The following ATF7 variants were observed in gnomAD, a reference collection of about 807,000 sequenced individuals.
ATF7 encodes cyclic AMP-dependent transcription factor ATF-7.
A neutral mutation model predicts 50.4 loss-of-function variants in ATF7; 10 were observed. The ratio of observed to expected loss-of-function variants is 0.20; its 90% CI spans 0.12 to 0.34. The LOEUF (loss-of-function observed/expected upper bound fraction) is 0.34, where lower values mean the gene tolerates loss of function less well. ATF7 is among the 10% of genes least tolerant of loss of function. The pLI, the probability that ATF7 is intolerant of heterozygous loss-of-function variation, is 1.00. For synonymous variants in ATF7, 201 were observed against 226.4 expected, an observed-to-expected ratio of 0.89 and a Z score of 1.01; for missense variants, 465 against 613.9, an observed-to-expected ratio of 0.76 and a Z score of 2.56.
intron 2 of ATF7, among the ~76,000 whole-genome samples, chr12:53,592,138 C>T (rs1942970866): frequency 6.6e-6 from 1 of 152,210 alleles, no homozygotes; most frequent in African/African-American, 2.4e-5. Context: ...TCACACAGGG[C>T]ACATGGTGTG....
chr12:53,530,184 A>C (rs867397553), intron 9 of ATF7, among the ~76,000 whole-genome samples: 21 of 152,222 alleles, frequency 1.4e-4, no homozygotes, highest in African/African-American at 4.6e-4. Flanking sequence ...GGGTTACAGG[A>C]GGGTAGGCAG....
intron 2 of ATF7, among the ~76,000 whole-genome samples, chr12:53,577,703 G>A (rs546212182): frequency 5.7e-4 from 83 of 145,042 alleles, no homozygotes; most frequent in African/African-American, 1.9e-3. Context: ...GAGAAAGAGC[G>A]AGACTCCGTC....
chr12:53,576,889 C>A (rs1304439805), intron 2 of ATF7, among the ~76,000 whole-genome samples: 2 of 151,958 alleles, frequency 1.3e-5, no homozygotes, highest in Non-Finnish European at 2.9e-5. Context: ...ACCCCCGTCT[C>A]TACTAAAAAT....
chr12:53,536,956 T>C (rs764356339), intron 5 of ATF7, among the ~76,000 whole-genome samples: 3 of 152,168 alleles, frequency 2.0e-5, no homozygotes, highest in Non-Finnish European at 4.4e-5. Flanking sequence ...GGTAGACATA[T>C]GCACTAATTT....
intron 9 of ATF7, among the ~76,000 whole-genome samples, chr12:53,529,694 CATAT>C (rs201402616): frequency 8.3e-6 from 1 of 120,442 alleles, no homozygotes; most frequent in Non-Finnish European, 1.7e-5. Flanking sequence ...TATATAAATA[CATAT>C]ATATATACAC....
intron 6 of ATF7, 141 bp downstream of exon 6, chr12:53,534,360 TG>T: frequency 8.0e-7 from 1 of 1,253,664 alleles, no homozygotes; most frequent in Non-Finnish European, 1.2e-6. Flanking sequence ...ATTCTGTTTA[TG>T]GGGGAAAAAT....
At chr12:53,549,395 TAA>T (rs1377104579) in intron 3 of ATF7, among the ~76,000 whole-genome samples, 2 of 151,136 alleles carry the variant, frequency 1.3e-5, no homozygotes, top group South Asian at 4.2e-4. Context: ...AATCCAGGTA[TAA>T]ATAGCCCTTT....
chr12:53,594,522 G>A (rs1943072678), intron 2 of ATF7, among the ~76,000 whole-genome samples: 1 of 152,214 alleles, frequency 6.6e-6, no homozygotes. Context: ...AAGGGCAAGT[G>A]TCAAGAGTAT....
chr12:53,547,331 G>GT (rs1168985528), intron 3 of ATF7, among the ~76,000 whole-genome samples: 1 of 115,556 alleles, frequency 8.7e-6, no homozygotes, highest in Non-Finnish European at 1.7e-5. Flanking sequence ...CTGTTACCTA[G>GT]TTTGGATGCA....
At chr12:53,568,398 A>T (rs753665583) in intron 2 of ATF7, among the ~76,000 whole-genome samples, 1 of 152,028 alleles carries the variant, frequency 6.6e-6, no homozygotes, top group Non-Finnish European at 1.5e-5. Context: ...TTACGCACAC[A>T]CACTCTCTCT....
At chr12:53,567,776 T>C (rs1423406807) in intron 2 of ATF7, among the ~76,000 whole-genome samples, 1 of 152,188 alleles carries the variant, frequency 6.6e-6, no homozygotes, top group Non-Finnish European at 1.5e-5. Context: ...TGGGGTACCA[T>C]TAAAGTCCCC....
intron 4 of ATF7, among the ~76,000 whole-genome samples, chr12:53,542,266 A>AT (rs1939611671): frequency 2.0e-5 from 3 of 151,596 alleles, no homozygotes; most frequent in Admixed American, 2.0e-4. Flanking sequence ...TCTACTAAAC[A>AT]TAAAAAAAAA....
At chr12:53,555,490 ATTTTTTTTTTTTTT>A (rs543048867) in intron 2 of ATF7, among the ~76,000 whole-genome samples, 16 of 100,760 alleles carry the variant, frequency 1.6e-4, no homozygotes, top group Non-Finnish European at 2.2e-4. Flanking sequence ...AAATAATATA[ATTTTTTTTTTTTTT>A]TTTTTTTTTT....
chr12:53,600,344 CTTTT>C (rs1301233001), intron 2 of ATF7, among the ~76,000 whole-genome samples: 1 of 145,586 alleles, frequency 6.9e-6, no homozygotes, highest in African/African-American at 2.5e-5. Context: ...TTCTTTCTTT[CTTTT>C]TTTTTTTTTG....
At chr12:53,517,401 A>C in intron 11 of ATF7, 47 bp from the exon 12 acceptor site, 1 of 1,542,582 alleles carries the variant, frequency 6.5e-7, no homozygotes. Context: ...GTTAGAAAAC[A>C]GAATGGGGAA....
At chr12:53,616,671 G>C (rs924341196) in intron 1 of ATF7, among the ~76,000 whole-genome samples, 1 of 152,056 alleles carries the variant, frequency 6.6e-6, no homozygotes, top group Non-Finnish European at 1.5e-5. Flanking sequence ...GGCCGGGTGC[G>C]GTGGCTCATT....
chr12:53,532,078 T>A (rs1394015331), intron 8 of ATF7, among the ~76,000 whole-genome samples, 182 bp from the exon 9 acceptor site: 5 of 152,090 alleles, frequency 3.3e-5, no homozygotes, highest in Non-Finnish European at 5.9e-5. Context: ...ATCCCTAAAA[T>A]GCCTACTCTG....
At chr12:53,555,752 C>T (rs571180282) in intron 2 of ATF7, among the ~76,000 whole-genome samples, 4 of 151,894 alleles carry the variant, frequency 2.6e-5, no homozygotes, top group South Asian at 4.2e-4. Context: ...TCAGGTGATC[C>T]GCCTGCCTTG....
chr12:53,625,124 G>A (rs1944552118), intron 1 of ATF7, among the ~76,000 whole-genome samples: 1 of 152,120 alleles, frequency 6.6e-6, no homozygotes, highest in Non-Finnish European at 1.5e-5. Flanking sequence ...GTAGCAACGC[G>A]GGAATCTGGG....
Sources: gnomAD v4.1 joint callset for allele counts (sites outside exome capture counted in the v4.1 genomes callset) on GRCh38, gnomAD v4.1.1 for gene constraint, MANE v1.5 for transcripts, NCBI Gene and HGNC (gene_info 2026-07-23, HGNC 2026-07-21) for gene names.